The following MDM1 variants were observed in gnomAD, a reference collection of about 807,000 sequenced individuals.
MDM1 encodes the protein stabilizer of axonemal microtubules 6, also known as Mdm1 nuclear protein.
Under a neutral mutation model 89.1 loss-of-function variants are expected in MDM1, and 61 were observed. The ratio of observed to expected loss-of-function variants is 0.68; its 90% CI spans 0.56 to 0.85. MDM1 has a LOEUF of 0.85. MDM1 is among the 40% of genes least tolerant of loss of function. MDM1 has a pLI of 0.00. For missense variants in MDM1, 820 were observed against 846.5 expected, an observed-to-expected ratio of 0.97 and a Z score of 0.39; for synonymous variants, 290 against 294.1, an observed-to-expected ratio of 0.99 and a Z score of 0.14.
At chr12:68,321,133 G>A (rs1875168438) in intron 7 of MDM1, 1 of 404,356 alleles carries the variant, frequency 2.5e-6, no homozygotes, top group Non-Finnish European at 4.4e-6. Context: ...AAACTTAAAA[G>A]ACCTCAATAA....
chr12:68,302,404 G>A (rs1459080921), intron 13 of MDM1, among the ~76,000 whole-genome samples: 13 of 152,148 alleles, frequency 8.5e-5, no homozygotes, highest in Non-Finnish European at 7.4e-5. Context: ...AAGAACTTGA[G>A]AGATATCTCA....
At chr12:68,321,936 T>C (rs188743935) in intron 5 of MDM1, among the ~76,000 whole-genome samples, 1 of 152,350 alleles carries the variant, frequency 6.6e-6, no homozygotes, top group Admixed American at 6.5e-5. Flanking sequence ...TGTTACCACA[T>C]ACTGAATTTG....
At chr12:68,297,701 T>C (rs1871596127) in intron 13 of MDM1, among the ~76,000 whole-genome samples, 1 of 152,162 alleles carries the variant, frequency 6.6e-6, no homozygotes, top group Non-Finnish European at 1.5e-5. Flanking sequence ...CAGAGATACT[T>C]TGACTGAAGG....
At chr12:68,322,503 G>A (rs1456815514) in intron 5 of MDM1, among the ~76,000 whole-genome samples, 5 of 152,074 alleles carry the variant, frequency 3.3e-5, no homozygotes, top group African/African-American at 9.7e-5. Context: ...GCATGGTGGC[G>A]TGCATCTGTA....
chr12:68,327,309 C>A, intron 2 of MDM1: 1 of 1,427,086 alleles, frequency 7.0e-7, no homozygotes, highest in South Asian at 1.6e-5. Context: ...ACTAGAATTG[C>A]AACGTGATAG....
At chr12:68,325,182 A>G (rs1406539103) in intron 4 of MDM1, 2 of 1,085,050 alleles carry the variant, frequency 1.8e-6, no homozygotes, top group East Asian at 5.7e-5. Context: ...CAGTTCCCCA[A>G]GTTTTCATTA....
chr12:68,302,387 T>C (rs1872285044), intron 13 of MDM1, among the ~76,000 whole-genome samples: 1 of 152,214 alleles, frequency 6.6e-6, no homozygotes, highest in Admixed American at 6.5e-5. Flanking sequence ...CCTGTATGTG[T>C]ATGAATAAGA....
At chr12:68,327,111 T>A in intron 2 of MDM1, 90 bp from the exon 3 acceptor site, 1 of 1,462,376 alleles carries the variant, frequency 6.8e-7, no homozygotes, top group Non-Finnish European at 9.0e-7. Flanking sequence ...AGAAATGAAA[T>A]TTTAAATTTA....
At chr12:68,305,733 TGAAA>T in intron 12 of MDM1, among the ~76,000 whole-genome samples, 1 of 152,070 alleles carries the variant, frequency 6.6e-6, no homozygotes, top group East Asian at 1.9e-4. Flanking sequence ...AAAACACTGC[TGAAA>T]GAAATTATAG....
At chr12:68,322,735 C>A (rs1350178366) in intron 5 of MDM1, among the ~76,000 whole-genome samples, 2 of 152,210 alleles carry the variant, frequency 1.3e-5, no homozygotes, top group African/African-American at 4.8e-5. Context: ...CTGGAGGTTA[C>A]TGTAAATCCA....
chr12:68,319,579 A>T (rs1874951979), intron 7 of MDM1, among the ~76,000 whole-genome samples: 2 of 152,232 alleles, frequency 1.3e-5, no homozygotes, highest in South Asian at 4.1e-4. Flanking sequence ...TCCAAGAGAT[A>T]TAAGTAAAAC....
intron 12 of MDM1, among the ~76,000 whole-genome samples, chr12:68,309,809 T>C (rs1873438354): frequency 6.6e-6 from 1 of 152,244 alleles, no homozygotes; most frequent in Non-Finnish European, 1.5e-5. Context: ...TATCAAAGTT[T>C]AGTGACTCCT....
intron 7 of MDM1, among the ~76,000 whole-genome samples, chr12:68,319,424 T>C (rs1874927724): frequency 6.6e-6 from 1 of 152,208 alleles, no homozygotes; most frequent in African/African-American, 2.4e-5. Flanking sequence ...AGTGAGTTAA[T>C]ATTCCAACAA....
chr12:68,325,814 C>A, intron 3 of MDM1: 2 of 1,122,114 alleles, frequency 1.8e-6, no homozygotes, highest in East Asian at 5.0e-5. Context: ...GACTATTAGG[C>A]ATCCCAGGAA....
intron 2 of MDM1, among the ~76,000 whole-genome samples, chr12:68,330,469 T>C (rs1876632676): frequency 6.6e-6 from 1 of 152,236 alleles, no homozygotes; most frequent in Non-Finnish European, 1.5e-5. Flanking sequence ...TCTAAGGATA[T>C]AAGTGATTAA....
chr12:68,325,289 G>GGA (rs1875803330), intron 4 of MDM1, 152 bp downstream of exon 4: 2 of 1,332,000 alleles, frequency 1.5e-6, no homozygotes, highest in Non-Finnish European at 1.9e-6. Flanking sequence ...ATAAGTAATA[G>GGA]GATGATTTTA....
chr12:68,314,871 C>A (rs544391025), intron 10 of MDM1, 77 bp downstream of exon 10: 1 of 1,235,992 alleles, frequency 8.1e-7, no homozygotes, highest in Non-Finnish European at 1.1e-6. Context: ...AAAGAGTAAA[C>A]CACTATATTT....
intron 7 of MDM1, among the ~76,000 whole-genome samples, chr12:68,320,233 C>T (rs1013325127): frequency 1.3e-5 from 2 of 152,210 alleles, no homozygotes; most frequent in Non-Finnish European, 2.9e-5. Flanking sequence ...TGACTCACTG[C>T]CTTTCTTCCA....
At chr12:68,317,671 T>C (rs1437376628) in intron 7 of MDM1, among the ~76,000 whole-genome samples, 3 of 152,230 alleles carry the variant, frequency 2.0e-5, no homozygotes, top group Non-Finnish European at 1.5e-5. Context: ...TGTTCATTTA[T>C]CATTTCTATC....
Sources: allele counts gnomAD v4.1 joint callset (sites outside exome capture counted in the v4.1 genomes callset), GRCh38; gene constraint gnomAD v4.1.1; transcripts MANE v1.5; gene names NCBI Gene and HGNC (gene_info 2026-07-23, HGNC 2026-07-21).